Variants in CSPG4 observed in about 807,000 individuals in gnomAD.
CSPG4 encodes chondroitin sulfate proteoglycan 4 (melanoma-associated).
In CSPG4, 74 loss-of-function variants were observed where a neutral mutation model predicts 139.3. The ratio of observed to expected loss-of-function variants is 0.53; its 90% CI spans 0.44 to 0.64. The LOEUF is 0.64. Among genes scored for constraint, CSPG4 ranks in the 30% least tolerant of loss-of-function variants. The pLI is 0.00. For synonymous variants in CSPG4, 1,234 were observed against 1,394.2 expected, an observed-to-expected ratio of 0.89 and a Z score of 2.56; for missense variants, 2,565 against 3,148.3, an observed-to-expected ratio of 0.81 and a Z score of 4.43.
rs564003017 is a variant in CSPG4, at chr15:75,692,044, C to T, written c.252+1026G>A. On this transcript the variant is annotated intron_variant, in intron 2 of 9. Transcript: ENST00000308508. ...TTGCCCAGGCTGAAGTGCAATGGTG[C>T]GGTCTCGGCTCACTGCAACCTCCTT... is the stretch of plus-strand genomic sequence containing the variant. 3.1e-4 allele frequency among the ~76,000 whole-genome samples: 47 copies of T among 152,218 alleles called. 1 individual carries two copies. Among genetic ancestry groups the T allele is most frequent in the African/African-American group, 1.0e-3 (43 of 41,524 alleles).
intron 8 of CSPG4, 97 bp downstream of exon 8, chr15:75,682,196 T>A: frequency 6.2e-6 from 9 of 1,447,480 alleles, no homozygotes; most frequent in Non-Finnish European, 7.6e-6. Context: ...CTGCCAGTGA[T>A]GCTGGAGCTG....
rs1229645525 is a variant in CSPG4 at position 75,675,747 on chromosome 15, G to T, written c.6772C>A (p.Gln2258Lys). Residue 2258 changes from glutamine (Q) to lysine (K), a missense_variant, in exon 10 of 10, where the codon CAG becomes AAG. Gln to Lys is a moderately conservative substitution (Grantham distance 53). This residue lies in a region of CSPG4 where 2,316 missense variants were observed against 2,818.2 expected (regional missense o/e 0.82). Transcript: ENST00000308508. ...KRNKTGKHDV[Q>K]VLTAKPRNGL... ...TTGCGGGGCTTGGCAGTCAGGACCT[G>T]GACGTCATGCTTGCCCGTCTTGTTG... is the stretch of plus-strand genomic sequence containing the variant. 7 of 1,609,208 alleles carry T rather than the reference G, an allele frequency of 4.3e-6. No homozygotes were observed. Among genetic ancestry groups the T allele is most frequent in the Non-Finnish European group, 5.9e-6 (7 of 1,176,802 alleles).
rs1431543112 is a variant in CSPG4 at position 75,676,054 on chromosome 15, C to T, written c.6465G>A (p.Val2155=). 1.3e-6 allele frequency: 2 copies of T among 1,540,046 alleles called. No homozygotes were observed. Among genetic ancestry groups the T allele is most frequent in the South Asian group, 2.4e-5 (2 of 84,504 alleles). ...ELWAQGVPPA[V]ASLDFATEPY... ...GCTCAGTGGCAAAGTCCAGGGAGGC[C>T]ACAGCAGGCGGGACGCCCTGTGCCC... The change falls in exon 10 of 10, where the codon GTG becomes GTA. Residue 2155 remains valine (V), a synonymous_variant. Transcript: ENST00000308508.
intron 1 of CSPG4, among the ~76,000 whole-genome samples, chr15:75,694,328 C>T (rs970506479): frequency 2.0e-4 from 30 of 152,242 alleles, no homozygotes; most frequent in African/African-American, 7.0e-4. Flanking sequence ...ACTTCCAACC[C>T]GCTGCCACAA....
chr15:75,697,460 G>C lies in CSPG4; in HGVS notation c.89-4227C>G, dbSNP rs533874248. Among the ~76,000 whole-genome samples, 6 of 152,366 alleles carry C rather than the reference G, an allele frequency of 3.9e-5. 1 individual carries two copies. Among genetic ancestry groups the C allele is most frequent in the African/African-American group, 1.4e-4 (6 of 41,598 alleles). On this transcript the variant is annotated intron_variant, in intron 1 of 9. Coordinates refer to ENST00000308508, the MANE Select transcript of CSPG4 (RefSeq NM_001897.5). ...CCACCTTCCAGACAGACAAACTGAG[G>C]CTCCAGAGGAGAAGCGATTTGACGA...
chr15:75,681,151 G>T (rs1043973596), intron 8 of CSPG4, among the ~76,000 whole-genome samples: 1 of 152,214 alleles, frequency 6.6e-6, no homozygotes, highest in Non-Finnish European at 1.5e-5. Context: ...CATAGCAGGA[G>T]TGGGGAGCCA....
intron 8 of CSPG4, chr15:75,678,813 T>C: frequency 2.2e-6 from 1 of 456,230 alleles, no homozygotes; most frequent in Non-Finnish European, 4.4e-6. Context: ...ACATCTCCTT[T>C]TGCCAAGGGC....
Position 75,690,092 on chromosome 15 carries a change from C to G in CSPG4, c.973G>C (p.Gly325Arg), listed in dbSNP as rs756062229. ...CGAGAGGCCTCTGCATCCAGCCCCC[C>G]GAGAAGGAGACTGCCCCGTGGCTCC... ...YLEPRGSLLL[G>R]GLDAEASRHL... is the part of the protein sequence containing the mutation. The change falls in exon 3 of 10, where the codon GGG becomes CGG. Residue 325 changes from glycine (G) to arginine (R), a missense_variant. Coordinates refer to ENST00000308508, the MANE Select transcript of CSPG4 (RefSeq NM_001897.5). 1.2e-6 allele frequency: 2 copies of G among 1,612,298 alleles called. No homozygotes were observed. The highest frequency in any genetic ancestry group is 2.2e-5 in the East Asian group (1 of 44,850).
intron 8 of CSPG4, chr15:75,680,021 C>A (rs1893951318): frequency 6.6e-6 from 1 of 152,260 alleles, no homozygotes; most frequent in African/African-American, 2.4e-5. Flanking sequence ...GAACTATTTT[C>A]TTCTCAGAGA....
chr15:75,675,984 G>C lies in CSPG4; in HGVS notation c.6535C>G (p.Pro2179Ala), dbSNP rs944086289. ...CCTGCTTCCGTCCGGGCGGCCTCGGGGACACTGAGCAGGGCCACGCTGTAG... is the reference window on the plus strand; with the variant it reads ...CCTGCTTCCGTCCGGGCGGCCTCGGCGACACTGAGCAGGGCCACGCTGTAG... ...RPYSVALLSV[P>A]EAARTEAGKP... Residue 2179 changes from proline to alanine, a missense_variant, in exon 10 of 10, where the codon CCC (proline) becomes GCC (alanine). Around this residue, in one of 5 missense-constraint regions of CSPG4, gnomAD observed 2,316 missense variants for 2,818.2 expected, o/e 0.82. Coordinates refer to ENST00000308508, the MANE Select transcript of CSPG4 (RefSeq NM_001897.5). The C allele has an allele frequency of 6.3e-7, 1 of 1,577,452 alleles. No homozygotes were observed. The highest frequency in any genetic ancestry group is 1.7e-4 in the Middle Eastern group (1 of 5,940).
intron 1 of CSPG4, among the ~76,000 whole-genome samples, chr15:75,699,906 C>T (rs1353243250): frequency 6.6e-6 from 1 of 152,176 alleles, no homozygotes; most frequent in Non-Finnish European, 1.5e-5. Flanking sequence ...TCCTTTCCCC[C>T]ACTTTCCTGG....
At chr15:75,691,502 TG>T (rs1894165023) in intron 2 of CSPG4, among the ~76,000 whole-genome samples, 1 of 152,212 alleles carries the variant, frequency 6.6e-6, no homozygotes, top group Non-Finnish European at 1.5e-5. Context: ...ATTTCAACTT[TG>T]GAATAATGGG....
intron 2 of CSPG4, among the ~76,000 whole-genome samples, chr15:75,692,189 G>GGCCAGGCT (rs1340216780): frequency 1.3e-5 from 2 of 152,162 alleles, no homozygotes; most frequent in Non-Finnish European, 2.9e-5. Context: ...TCACCATGTT[G>GGCCAGGCT]GCCAGGCTGG....
intron 1 of CSPG4, among the ~76,000 whole-genome samples, chr15:75,706,845 C>A (rs1894380422): frequency 6.6e-6 from 1 of 152,112 alleles, no homozygotes; most frequent in Non-Finnish European, 1.5e-5. Context: ...CATAGCACAG[C>A]ACAGTTGAGC....
chr15:75,705,519 G>C (rs1005104981), intron 1 of CSPG4, among the ~76,000 whole-genome samples: 1 of 152,234 alleles, frequency 6.6e-6, no homozygotes, highest in African/African-American at 2.4e-5. Flanking sequence ...CTTACAACAC[G>C]TAAGAGGTTG....
In CSPG4 at chr15:75,696,309, G is replaced by T. The variant is rs1436063759; in HGVS notation, c.89-3076C>A. On this transcript the variant is annotated intron_variant, in intron 1 of 9. Transcript: ENST00000308508. This position sits in a 1 kb window ranked among gnomAD's most constrained non-coding sequence, Gnocchi z 4.2. ...CCTGGAGGTGCCAAGCCTTGGGCAT[G>T]AGAGGAGCAGGATGCCCCACAGGTC... is the stretch of plus-strand genomic sequence containing the variant. Among the ~76,000 whole-genome samples, 1 of 152,174 alleles carries T rather than the reference G, an allele frequency of 6.6e-6. No individual in the cohort carries two copies. Among genetic ancestry groups the T allele is most frequent in the Non-Finnish European group, 1.5e-5 (1 of 68,010 alleles).
In CSPG4 at chr15:75,698,769, C is replaced by T. The variant is rs916241794; in HGVS notation, c.89-5536G>A. Among the ~76,000 whole-genome samples, 5 of 152,172 alleles carry T rather than the reference C, an allele frequency of 3.3e-5. No homozygotes were observed. Among genetic ancestry groups the T allele is most frequent in the Non-Finnish European group, 5.9e-5 (4 of 68,010 alleles). ...GGTGAGCCCCTCTCAAACCTCCTCC[C>T]AGCAGACTCCCCAAGGCTCAGCCAC... On this transcript the variant is annotated intron_variant, in intron 1 of 9. Coordinates refer to ENST00000308508, the MANE Select transcript of CSPG4 (RefSeq NM_001897.5). The surrounding 1 kb of genome is among the most constrained non-coding windows in gnomAD (Gnocchi z 4.3).
At chr15:75,678,630 A>G (rs1342666360) in intron 8 of CSPG4, 4 of 455,784 alleles carry the variant, frequency 8.8e-6, no homozygotes, top group Admixed American at 7.1e-5. Flanking sequence ...CTAGGATTAC[A>G]GGCAGGAGGC....
Position 75,711,785 on chromosome 15 carries a change from A to G in CSPG4, c.88+883T>C, listed in dbSNP as rs559307205. On this transcript the variant is annotated intron_variant, in intron 1 of 9. Coordinates refer to ENST00000308508, the MANE Select transcript of CSPG4 (RefSeq NM_001897.5). Reference sequence around the variant, plus strand: ...GTGATGATGGATGGGCCCTAAGGCCACAGTTCTTATGGCATAACTAGAGCT... The same window carrying G: ...GTGATGATGGATGGGCCCTAAGGCCGCAGTTCTTATGGCATAACTAGAGCT... Among the ~76,000 whole-genome samples, 1,385 of 151,908 alleles carry G rather than the reference A, an allele frequency of 9.1e-3. 11 individuals carry two copies. The highest frequency in any genetic ancestry group is 0.014 in the South Asian group (69 of 4,790).
Sources: gnomAD v4.1 joint callset for allele counts (sites outside exome capture counted in the v4.1 genomes callset) on GRCh38, gnomAD v4.1.1 for gene constraint, gnomAD v4.1.1 regional missense constraint, Gnocchi (gnomAD v3.1) non-coding constraint, MANE v1.5 for transcripts, NCBI Gene and HGNC (gene_info 2026-07-23, HGNC 2026-07-21) for gene names.